Variants in NUBPL observed in about 807,000 individuals in gnomAD.
NUBPL encodes the protein NUBP iron-sulfur cluster assembly factor, mitochondrial, also known as iron-sulfur cluster transfer protein NUBPL.
A neutral mutation model predicts 45.7 loss-of-function variants in NUBPL; 31 were observed. That is an observed-to-expected ratio of 0.68 (90% CI 0.51 to 0.92). The LOEUF (loss-of-function observed/expected upper bound fraction) is 0.92, where lower values mean the gene tolerates loss of function less well. Ranked by LOEUF, NUBPL falls within the 40% of genes least tolerant of loss-of-function variation. The pLI is 0.00. For missense variants in NUBPL, 401 were observed against 398.7 expected, an observed-to-expected ratio of 1.01 and a Z score of -0.05; for synonymous variants, 144 against 140.9, an observed-to-expected ratio of 1.02 and a Z score of -0.15.
intron 7 of NUBPL, among the ~76,000 whole-genome samples, chr14:31,823,504 T>G (rs971148433): frequency 6.6e-6 from 1 of 152,110 alleles, no homozygotes; most frequent in Non-Finnish European, 1.5e-5. Context: ...GCCAAGGAGA[T>G]TCCTCTGCTT....
intron 4 of NUBPL, among the ~76,000 whole-genome samples, chr14:31,628,425 A>G (rs1405713010): frequency 6.6e-6 from 1 of 152,198 alleles, no homozygotes; most frequent in Non-Finnish European, 1.5e-5. Flanking sequence ...TTAATACTGT[A>G]TTATTACTGA....
rs143904073 is a variant in NUBPL at position 31,855,402 on chromosome 14, A to G, written c.898-3716A>G. Among the ~76,000 whole-genome samples the G allele has an allele frequency of 2.3e-3, 351 of 152,302 alleles. 1 individual carries two copies. The highest frequency in any genetic ancestry group is 4.1e-3 in the Non-Finnish European group (277 of 68,020). On this transcript the variant is annotated intron_variant, in intron 10 of 10. Coordinates refer to ENST00000281081, the MANE Select transcript of NUBPL (RefSeq NM_025152.3). ...CTTGTATTTGGGTTTACTGTTTAAC[A>G]TGTGGTGTAGTGGAAAAAGCTGGAC...
At chr14:31,578,461 T>C (rs1239178269) in intron 3 of NUBPL, among the ~76,000 whole-genome samples, 1 of 152,218 alleles carries the variant, frequency 6.6e-6, no homozygotes, top group Non-Finnish European at 1.5e-5. Flanking sequence ...GGTTCACTTT[T>C]GGCAATTGCA....
At chr14:31,769,990 T>C (rs2038979240) in intron 6 of NUBPL, among the ~76,000 whole-genome samples, 1 of 152,190 alleles carries the variant, frequency 6.6e-6, no homozygotes, top group African/African-American at 2.4e-5. Context: ...TCTGGATTCT[T>C]GTCTGTCCCT....
intron 8 of NUBPL, among the ~76,000 whole-genome samples, chr14:31,830,277 A>C (rs1365723021): frequency 6.6e-6 from 1 of 152,200 alleles, no homozygotes; most frequent in East Asian, 1.9e-4. Flanking sequence ...GCTATAATAA[A>C]CTTCCATTAG....
intron 4 of NUBPL, among the ~76,000 whole-genome samples, chr14:31,611,603 G>T (rs1167188983): frequency 6.6e-6 from 1 of 152,030 alleles, no homozygotes; most frequent in East Asian, 1.9e-4. Flanking sequence ...AGAAGATCCA[G>T]AATAGCCAAA....
intron 8 of NUBPL, chr14:31,845,137 T>C (rs1435713886): frequency 1.3e-5 from 2 of 152,150 alleles, no homozygotes; most frequent in African/African-American, 4.8e-5. Flanking sequence ...ATATTTTTTA[T>C]CTGTGGTTGG....
chr14:31,602,107 G>T (rs1381164292), intron 4 of NUBPL, among the ~76,000 whole-genome samples: 2 of 152,124 alleles, frequency 1.3e-5, no homozygotes, highest in Admixed American at 6.6e-5. Context: ...GATGAAACTG[G>T]AAATCATCAT....
At chr14:31,600,893 T>C (rs965043051) in intron 4 of NUBPL, among the ~76,000 whole-genome samples, 24 of 151,106 alleles carry the variant, frequency 1.6e-4, no homozygotes, top group South Asian at 1.3e-3. Context: ...TTAGGTCTAA[T>C]GTTTAAGTCT....
At position 31,808,917 on chromosome 14, in the gene NUBPL, G is replaced by A. The variant is rs780772642; in HGVS notation, c.608-17712G>A. ...TCGTTCTGTTTATGTGATGGATTACGTTTATTGATTTGCATATGTTGGACC... is the reference window on the plus strand; with the variant it reads ...TCGTTCTGTTTATGTGATGGATTACATTTATTGATTTGCATATGTTGGACC... On this transcript the variant is annotated intron_variant, in intron 7 of 10. Transcript: ENST00000281081. 3.3e-5 allele frequency among the ~76,000 whole-genome samples: 5 copies of A among 152,240 alleles called. No homozygotes were observed. In the East Asian group the frequency reaches 7.7e-4, roughly 24 times the overall value.
chr14:31,804,973 T>C (rs1279049620), intron 7 of NUBPL, among the ~76,000 whole-genome samples: 2 of 151,520 alleles, frequency 1.3e-5, no homozygotes, highest in Non-Finnish European at 2.9e-5. Context: ...CCAGCAAAAA[T>C]AAACTATCAA....
intron 6 of NUBPL, among the ~76,000 whole-genome samples, chr14:31,705,430 A>G (rs530394487): frequency 7.2e-5 from 11 of 152,266 alleles, no homozygotes; most frequent in African/African-American, 2.4e-4. Flanking sequence ...TGATTGGTCC[A>G]TTTTACAGAG....
intron 4 of NUBPL, among the ~76,000 whole-genome samples, chr14:31,627,634 C>T (rs553784292): frequency 6.6e-6 from 1 of 151,744 alleles, no homozygotes; most frequent in Non-Finnish European, 1.5e-5. Context: ...GACGTGGTGG[C>T]GGGCACCTGT....
chr14:31,661,860 A>G (rs763958083), intron 4 of NUBPL, among the ~76,000 whole-genome samples: 1 of 152,150 alleles, frequency 6.6e-6, no homozygotes, highest in South Asian at 2.1e-4. Flanking sequence ...AATTTTTATA[A>G]TTAAAGCAAA....
chr14:31,820,070 G>T (rs1449559462), intron 7 of NUBPL, among the ~76,000 whole-genome samples: 1 of 151,258 alleles, frequency 6.6e-6, no homozygotes, highest in Non-Finnish European at 1.5e-5. Flanking sequence ...AACCCAGGAG[G>T]CGGAGCTTGC....
At chr14:31,852,094 C>T (rs2040546962) in intron 10 of NUBPL, among the ~76,000 whole-genome samples, 1 of 152,168 alleles carries the variant, frequency 6.6e-6, no homozygotes, top group African/African-American at 2.4e-5. Context: ...CCAAGTTTGC[C>T]ACTTTCGATG....
intron 3 of NUBPL, among the ~76,000 whole-genome samples, chr14:31,592,718 A>G (rs369565003): frequency 1.3e-4 from 20 of 152,152 alleles, no homozygotes; most frequent in South Asian, 4.1e-4. Context: ...GCAAATTTTC[A>G]TCTCTCTTTC....
Position 31,702,227 on chromosome 14 carries a change from T to C in NUBPL, c.513+28653T>C, listed in dbSNP as rs574163158. 1.9e-4 allele frequency among the ~76,000 whole-genome samples: 29 copies of C among 152,322 alleles called. No homozygotes were observed. In the East Asian group the frequency reaches 2.7e-3, roughly 14 times the overall value. ...TCCCCTCAGAATCAGTCTGTTAGTC[T>C]CCTGGCATTGATGTATGATAATACG... is the stretch of plus-strand genomic sequence containing the variant. On this transcript the variant is annotated intron_variant, in intron 6 of 10. Transcript: ENST00000281081.
intron 4 of NUBPL, among the ~76,000 whole-genome samples, chr14:31,651,878 A>C (rs2036014972): frequency 2.0e-5 from 3 of 150,846 alleles, no homozygotes; most frequent in African/African-American, 7.4e-5. Flanking sequence ...CAGCCTGGGC[A>C]ACAGAGCGAG....
Sources: gnomAD v4.1 joint callset for allele counts (sites outside exome capture counted in the v4.1 genomes callset) on GRCh38, gnomAD v4.1.1 for gene constraint, MANE v1.5 for transcripts, NCBI Gene and HGNC (gene_info 2026-07-23, HGNC 2026-07-21) for gene names.